Variants in KIF16B observed in about 807,000 individuals in gnomAD.
KIF16B encodes the protein kinesin-like protein KIF16B.
In KIF16B, 98 loss-of-function variants were observed where a neutral mutation model predicts 156.3. The observed-to-expected ratio is 0.63, with a 90% CI of 0.53 to 0.74. The LOEUF is 0.74. Among genes scored for constraint, KIF16B ranks in the 30% least tolerant of loss-of-function variants. The pLI is 0.00. For missense variants in KIF16B, 1,421 were observed against 1,606.5 expected (o/e 0.88, Z 1.97); for synonymous variants, 564 against 583.7 (o/e 0.97, Z 0.49).
chr20:16,290,956 C>T (rs6034443), intron 25 of KIF16B, among the ~76,000 whole-genome samples: 51,619 of 151,942 alleles, frequency 0.34, 8,919 homozygotes, highest in African/African-American at 0.41. Context: ...ACAGATATTA[C>T]CTACCAAATT....
chr20:16,564,113 G>A (rs2071165450), intron 1 of KIF16B, among the ~76,000 whole-genome samples: 1 of 152,186 alleles, frequency 6.6e-6, no homozygotes. Context: ...GGTTTGTCAT[G>A]TCCAGGTAAG....
chr20:16,347,418 T>C (rs2064253615), intron 23 of KIF16B, among the ~76,000 whole-genome samples: 1 of 152,340 alleles, frequency 6.6e-6, no homozygotes, highest in East Asian at 1.9e-4. Flanking sequence ...CATAAAATAA[T>C]AACTGCTTTT....
At chr20:16,492,178 ATG>A (rs1192166947) in intron 12 of KIF16B, among the ~76,000 whole-genome samples, 6 of 152,208 alleles carry the variant, frequency 3.9e-5, no homozygotes, top group African/African-American at 1.4e-4. Flanking sequence ...TGACTGACTG[ATG>A]TAAAACGCTA....
At chr20:16,321,461 T>A (rs2063772149) in intron 24 of KIF16B, among the ~76,000 whole-genome samples, 1 of 152,242 alleles carries the variant, frequency 6.6e-6, no homozygotes, top group Admixed American at 6.5e-5. Flanking sequence ...CTTCTCTAGT[T>A]CCTAGTTTCA....
At chr20:16,508,541 C>G (rs2068858204) in intron 6 of KIF16B, among the ~76,000 whole-genome samples, 1 of 152,152 alleles carries the variant, frequency 6.6e-6, no homozygotes, top group African/African-American at 2.4e-5. Context: ...AGCACACAAC[C>G]TAGATCCCTC....
rs2069004877 is a variant in KIF16B at position 16,512,922 on chromosome 20, C to A, written c.350G>T (p.Gly117Val). 1 of 1,603,960 alleles carries A rather than the reference C, an allele frequency of 6.2e-7. No homozygotes were observed. Among genetic ancestry groups the A allele is most frequent in the Non-Finnish European group, 8.5e-7 (1 of 1,170,818 alleles). The change falls in exon 5 of 26, where the codon GGA becomes GTA. Residue 117 changes from glycine (G) to valine (V), a missense_variant and splice_region_variant. By Grantham distance (109) the Gly-to-Val change is moderately radical. Transcript: ENST00000354981. ...GATCCGAGGTATTAAGCCAGAATCTCCCTGCATGGGAAAGACCAATGTCAC... is the reference window on the plus strand; with the variant it reads ...GATCCGAGGTATTAAGCCAGAATCTACCTGCATGGGAAAGACCAATGTCAC... ...GKSYTMMGNS[G>V]DSGLIPRICE...
chr20:16,507,930 A>C (rs769653758), intron 7 of KIF16B, 28 bp downstream of exon 7: 1 of 1,613,366 alleles, frequency 6.2e-7, no homozygotes, highest in Non-Finnish European at 8.5e-7. Context: ...TCAGGGATGG[A>C]GCCAGCTGGT....
chr20:16,307,579 G>A (rs1395362549), intron 25 of KIF16B, among the ~76,000 whole-genome samples: 2 of 152,182 alleles, frequency 1.3e-5, no homozygotes, highest in Non-Finnish European at 2.9e-5. Context: ...ATGTTCCAAA[G>A]CAGTGCTACT....
chr20:16,417,605 C>G (rs540178423), intron 15 of KIF16B, among the ~76,000 whole-genome samples: 2 of 151,940 alleles, frequency 1.3e-5, no homozygotes, highest in Non-Finnish European at 2.9e-5. Context: ...AATGTTTATA[C>G]TGAGATAACA....
intron 12 of KIF16B, among the ~76,000 whole-genome samples, chr20:16,493,112 G>A (rs1198667185): frequency 2.0e-5 from 3 of 152,148 alleles, no homozygotes; most frequent in Admixed American, 1.3e-4. Flanking sequence ...CATTATCATT[G>A]TAATCAGGAG....
intron 20 of KIF16B, among the ~76,000 whole-genome samples, chr20:16,372,924 C>A (rs1336195598): frequency 6.6e-6 from 1 of 152,176 alleles, no homozygotes; most frequent in East Asian, 1.9e-4. Flanking sequence ...TCTTGAACTC[C>A]TGACCTCAGG....
chr20:16,518,699 T>C (rs978621715), intron 3 of KIF16B, among the ~76,000 whole-genome samples: 2 of 152,254 alleles, frequency 1.3e-5, no homozygotes, highest in Non-Finnish European at 2.9e-5. Context: ...ATTTTTTTTC[T>C]AATTCTAAAA....
intron 12 of KIF16B, among the ~76,000 whole-genome samples, chr20:16,478,337 C>T (rs528121037): frequency 1.5e-4 from 23 of 152,140 alleles, no homozygotes; most frequent in African/African-American, 5.3e-4. Flanking sequence ...GTAGACCAAC[C>T]GGGCTGCAGG....
chr20:16,470,594 C>A (rs569916539), intron 12 of KIF16B, among the ~76,000 whole-genome samples: 3 of 152,202 alleles, frequency 2.0e-5, no homozygotes, highest in Admixed American at 2.0e-4. Context: ...AGCAATCCTC[C>A]TACCTCAGCC....
intron 3 of KIF16B, among the ~76,000 whole-genome samples, chr20:16,517,152 A>G (rs1435020308): frequency 6.6e-6 from 1 of 152,210 alleles, no homozygotes; most frequent in East Asian, 1.9e-4. Context: ...CAAGATGAAA[A>G]TACAGCCAAC....
chr20:16,396,474 TAATC>T (rs928172759), intron 17 of KIF16B, among the ~76,000 whole-genome samples: 5 of 151,964 alleles, frequency 3.3e-5, no homozygotes, highest in African/African-American at 1.2e-4. Context: ...AGTCCAATAT[TAATC>T]CATCTTGGTA....
At chr20:16,357,168 G>C (rs535038734) in intron 22 of KIF16B, among the ~76,000 whole-genome samples, 71 of 152,240 alleles carry the variant, frequency 4.7e-4, no homozygotes, top group African/African-American at 1.7e-3. Flanking sequence ...TAAGCTGGGG[G>C]CTTTAGAAAA....
Position 16,352,877 on chromosome 20 carries a change from T to A in KIF16B, c.3621+3453A>T, listed in dbSNP as rs558957626. ...CACACAAATCAGCTGGGACCCTAAA[T>A]AAGCTGGCAGTGACACCAGCAAGCT... On this transcript the variant is annotated intron_variant, in intron 23 of 25. Transcript: ENST00000354981. Among the ~76,000 whole-genome samples the A allele has an allele frequency of 7.2e-5, 11 of 152,206 alleles. No homozygotes were observed. The East Asian group carries it at 2.1e-3, about 29-fold the overall frequency.
chr20:16,562,618 G>T (rs973303471), intron 1 of KIF16B, among the ~76,000 whole-genome samples: 1 of 152,118 alleles, frequency 6.6e-6, no homozygotes, highest in East Asian at 1.9e-4. Context: ...GAGTGCTCAG[G>T]TCTTCCCGGC....
Sources: gnomAD v4.1 joint callset for allele counts (sites outside exome capture counted in the v4.1 genomes callset) on GRCh38, gnomAD v4.1.1 for gene constraint, MANE v1.5 for transcripts, NCBI Gene and HGNC (gene_info 2026-07-23, HGNC 2026-07-21) for gene names.